The following DNAH14 variants were observed in gnomAD, a reference collection of about 807,000 sequenced individuals.
DNAH14 encodes the protein axonemal beta dynein heavy chain 14.
Under a neutral mutation model 520.9 loss-of-function variants are expected in DNAH14, and 478 were observed. The observed-to-expected ratio is 0.92, with a 90% confidence interval of 0.85 to 0.99. DNAH14 has a LOEUF of 0.99. DNAH14 is among the 50% of genes least tolerant of loss of function. The probability of loss-of-function intolerance (pLI) is 0.00; values close to 1 mark genes in which losing one functional copy is unlikely to be tolerated. For missense variants in DNAH14, 4,831 were observed against 5,234.5 expected (o/e 0.92, Z 2.38); for synonymous variants, 1,581 against 1,757.2 (o/e 0.90, Z 2.51).
intron 10 of DNAH14, among the ~76,000 whole-genome samples, chr1:225,016,423 C>T (rs926603845): frequency 6.6e-6 from 1 of 152,136 alleles, no homozygotes; most frequent in Non-Finnish European, 1.5e-5. Flanking sequence ...ATCTGCTTAT[C>T]TAATGGAAAT....
chr1:224,976,469 A>G (rs111896783), intron 8 of DNAH14, among the ~76,000 whole-genome samples: 6,334 of 152,244 alleles, frequency 0.042, 213 homozygotes, highest in Non-Finnish European at 0.061. Context: ...ATGGCAACGA[A>G]AGCCAAAATT....
chr1:225,013,506 T>A (rs2064971930), intron 10 of DNAH14, among the ~76,000 whole-genome samples: 1 of 152,192 alleles, frequency 6.6e-6, no homozygotes, highest in African/African-American at 2.4e-5. Flanking sequence ...TGTTACTCTC[T>A]TCAGACCTGG....
Position 225,043,276 on chromosome 1 carries a change from G to GAAAAA in DNAH14, c.1768+179_1768+183dup, listed in dbSNP as rs10671374. Among the ~76,000 whole-genome samples the GAAAAA allele has an allele frequency of 3.3e-4, 32 of 98,152 alleles. 1 individual carries two copies. Among genetic ancestry groups the GAAAAA allele is most frequent in the South Asian group, 8.6e-4 (2 of 2,336 alleles). The allele number at this position is 98,152 out of a possible 152,430, so 64.4% of individuals were successfully genotyped here. A position where few individuals can be genotyped will look rare whatever the true frequency, so the allele number is the denominator to read the frequency against. ...GAGACCTTGTCTCTTGTCTCTTGGG[G>GAAAAA]AAAAAAAAAAAAAAAAAAAAAGAAT... On this transcript the variant is annotated intron_variant, in intron 13 of 85. Coordinates refer to ENST00000682510, the MANE Select transcript of DNAH14 (RefSeq NM_001367479.1).
intron 44 of DNAH14, among the ~76,000 whole-genome samples, chr1:225,255,343 G>A (rs758915687): frequency 1.3e-5 from 2 of 152,160 alleles, no homozygotes; most frequent in African/African-American, 4.8e-5. Flanking sequence ...AATCAATCAA[G>A]TCATTGTATC....
At chr1:224,943,133 C>G (rs954909760) in intron 1 of DNAH14, among the ~76,000 whole-genome samples, 1 of 152,140 alleles carries the variant, frequency 6.6e-6, no homozygotes, top group Non-Finnish European at 1.5e-5. Context: ...TCATGTGGTC[C>G]TGGACTTTTA....
Position 225,273,138 on chromosome 1 carries a change from T to G in DNAH14, c.8010+13T>G. The G allele has an allele frequency of 6.5e-7, 1 of 1,543,884 alleles. No homozygotes were observed. Among genetic ancestry groups the G allele is most frequent in the Non-Finnish European group, 8.7e-7 (1 of 1,144,510 alleles). ...GAACTGTTTTCAGGTAAATTTATAT[T>G]TTAAAAATTATTGGCCGGGTGTGGT... On this transcript the variant is annotated intron_variant, in intron 52 of 85. Transcript: ENST00000682510.
At chr1:225,249,718 T>C (rs1406605568) in intron 43 of DNAH14, among the ~76,000 whole-genome samples, 2 of 152,224 alleles carry the variant, frequency 1.3e-5, no homozygotes, top group African/African-American at 4.8e-5. Context: ...TTTTCGTCTT[T>C]CCATTATGAT....
chr1:225,334,925 G>C (rs1361819743), intron 66 of DNAH14, among the ~76,000 whole-genome samples: 2 of 144,956 alleles, frequency 1.4e-5, no homozygotes, highest in African/African-American at 5.1e-5. Context: ...TATATGTATA[G>C]CATATATCTA....
rs2073287307 is a variant in DNAH14, at chr1:225,082,738, A to G, written c.3326A>G (p.Lys1109Arg). ...NCKVENLLAL[K>R]MFQYENEIND... ...AAAGTAGAGAATCTTCTAGCTCTCAAGGTAAATAAAAATGGTTTTTTAAAA... is the reference window on the plus strand; with the variant it reads ...AAAGTAGAGAATCTTCTAGCTCTCAGGGTAAATAAAAATGGTTTTTTAAAA... Residue 1109 changes from lysine (K) to arginine (R), a missense_variant and splice_region_variant, in exon 20 of 86, where the codon AAG becomes AGG. Coordinates refer to ENST00000682510, the MANE Select transcript of DNAH14 (RefSeq NM_001367479.1). The G allele has an allele frequency of 8.5e-6, 13 of 1,535,074 alleles. No homozygotes were observed. The highest frequency in any genetic ancestry group is 1.1e-5 in the Non-Finnish European group (13 of 1,143,056).
At chr1:225,393,881 C>T (rs369161146) in intron 84 of DNAH14, among the ~76,000 whole-genome samples, 1 of 150,982 alleles carries the variant, frequency 6.6e-6, no homozygotes, top group Non-Finnish European at 1.5e-5. Context: ...TGCAGTGGCA[C>T]GATCTCAGCT....
chr1:224,994,012 T>C (rs1327691774), intron 8 of DNAH14, among the ~76,000 whole-genome samples: 1 of 152,106 alleles, frequency 6.6e-6, no homozygotes, highest in Non-Finnish European at 1.5e-5. Context: ...TTTTATTGAT[T>C]TCTATTTTCA....
At chr1:225,222,879 G>A (rs1329393492) in intron 41 of DNAH14, among the ~76,000 whole-genome samples, 1 of 152,166 alleles carries the variant, frequency 6.6e-6, no homozygotes, top group Non-Finnish European at 1.5e-5. Flanking sequence ...CTGGGAACAA[G>A]TGGGGAGAAA....
intron 23 of DNAH14, among the ~76,000 whole-genome samples, chr1:225,106,835 T>G (rs2076096989): frequency 6.6e-6 from 1 of 152,192 alleles, no homozygotes; most frequent in Non-Finnish European, 1.5e-5. Flanking sequence ...CCTTCCTCCT[T>G]TAGCTCAGAA....
chr1:225,307,642 T>C (rs1288899596), intron 59 of DNAH14, 73 bp downstream of exon 59: 2 of 1,156,252 alleles, frequency 1.7e-6, no homozygotes, highest in Admixed American at 6.5e-5. Context: ...GCAAAGGCTC[T>C]GATACCTGAC....
At chr1:225,175,086 A>C (rs1015986708) in intron 36 of DNAH14, among the ~76,000 whole-genome samples, 4 of 152,174 alleles carry the variant, frequency 2.6e-5, no homozygotes, top group Non-Finnish European at 5.9e-5. Flanking sequence ...CTAGTATTAC[A>C]TTCAGAATTT....
chr1:224,993,768 T>A (rs1434980225), intron 8 of DNAH14, among the ~76,000 whole-genome samples: 1 of 152,026 alleles, frequency 6.6e-6, no homozygotes, highest in African/African-American at 2.4e-5. Flanking sequence ...AGGCGTAACA[T>A]TAAGTTGTTT....
In DNAH14 at chr1:225,351,621, T is replaced by C. The variant is rs1467745120; in HGVS notation, c.11297-26T>C. Reference sequence around the variant, plus strand: ...AAAGGTAAAGGTTTATCTCTTCTAATGTGATCATCTTTCTTTTTTTATCAG... The same window carrying C: ...AAAGGTAAAGGTTTATCTCTTCTAACGTGATCATCTTTCTTTTTTTATCAG... On this transcript the variant is annotated intron_variant, in intron 71 of 85. Coordinates refer to ENST00000682510, the MANE Select transcript of DNAH14 (RefSeq NM_001367479.1). The C allele has an allele frequency of 7.3e-6, 11 of 1,506,930 alleles. No homozygotes were observed. In the East Asian group the frequency reaches 2.5e-4, roughly 34 times the overall value. The allele number at this position is 1,506,930 out of a possible 1,614,324, so 93.3% of individuals were successfully genotyped here.
intron 62 of DNAH14, among the ~76,000 whole-genome samples, chr1:225,323,452 G>A (rs1013349365): frequency 8.3e-6 from 1 of 120,608 alleles, no homozygotes; most frequent in Non-Finnish European, 1.7e-5. Flanking sequence ...ACTAGGTTTT[G>A]TTGTTGTTTT....
intron 54 of DNAH14, among the ~76,000 whole-genome samples, chr1:225,282,488 C>A (rs911286162): frequency 2.0e-5 from 3 of 152,090 alleles, no homozygotes; most frequent in African/African-American, 7.2e-5. Flanking sequence ...AAGAAGGCCC[C>A]GAGGCAAGTA....
Sources: gnomAD v4.1 joint callset for allele counts (sites outside exome capture counted in the v4.1 genomes callset) on GRCh38, gnomAD v4.1.1 for gene constraint, MANE v1.5 for transcripts, NCBI Gene and HGNC (gene_info 2026-07-23, HGNC 2026-07-21) for gene names.